CEP112: variants seen among roughly 807,000 people sequenced by gnomAD.
CEP112 encodes centrosomal protein 112.
Under a neutral mutation model 153.0 loss-of-function variants are expected in CEP112, and 127 were observed. The observed-to-expected ratio is 0.83, with a 90% CI of 0.72 to 0.96. The LOEUF (loss-of-function observed/expected upper bound fraction) is 0.96, where lower values mean the gene tolerates loss of function less well. Among genes scored for constraint, CEP112 ranks in the 40% least tolerant of loss-of-function variants. The probability of loss-of-function intolerance (pLI) is 0.00; values close to 1 mark genes in which losing one functional copy is unlikely to be tolerated. For synonymous variants in CEP112, 358 were observed against 374.4 expected (o/e 0.96, Z 0.51); for missense variants, 1,089 against 1,101.2 (o/e 0.99, Z 0.16).
intron 23 of CEP112, among the ~76,000 whole-genome samples, chr17:65,709,383 G>A (rs1004907577): frequency 5.3e-5 from 8 of 152,156 alleles, no homozygotes; most frequent in Admixed American, 4.6e-4. Context: ...CCACATGGCT[G>A]GGGCAGCCTC....
chr17:65,923,706 T>A (rs555207911), intron 19 of CEP112, among the ~76,000 whole-genome samples: 2 of 152,264 alleles, frequency 1.3e-5, no homozygotes, highest in African/African-American at 4.8e-5. Context: ...ACAATGAAAG[T>A]CTCAGTTCAT....
At chr17:65,994,274 C>T (rs999116907) in intron 17 of CEP112, among the ~76,000 whole-genome samples, 29 of 152,122 alleles carry the variant, frequency 1.9e-4, no homozygotes, top group Admixed American at 1.6e-3. Context: ...ATTGAGTTGA[C>T]CACATATGTG....
chr17:66,137,216 G>A (rs2165842), intron 4 of CEP112, among the ~76,000 whole-genome samples: 20,081 of 152,028 alleles, frequency 0.13, 1,783 homozygotes, highest in Non-Finnish European at 0.2. Flanking sequence ...AACTAAAGGG[G>A]CTCAACAGCA....
intron 20 of CEP112, among the ~76,000 whole-genome samples, chr17:65,859,757 CCGG>C (rs1333593300): frequency 6.7e-6 from 1 of 149,492 alleles, no homozygotes; most frequent in Non-Finnish European, 1.5e-5. Context: ...GCCTGTAATC[CCGG>C]CACTTTGGGA....
intron 17 of CEP112, among the ~76,000 whole-genome samples, chr17:65,967,643 G>A (rs547104600): frequency 2.0e-5 from 3 of 152,204 alleles, no homozygotes; most frequent in Non-Finnish European, 2.9e-5. Flanking sequence ...TGAAGTAAGA[G>A]GCTATATAAG....
rs201493830 is a variant in CEP112, at chr17:65,966,046, T to C, written c.1737-4448A>G. On this transcript the variant is annotated intron_variant, in intron 17 of 26. Transcript: ENST00000535342. Reference sequence around the variant, plus strand: ...AAAAAAGGACTGAAGATTTTTTTTTTCCCAGTGGAACTAGTTGTGGGGCCA... The same window carrying C: ...AAAAAAGGACTGAAGATTTTTTTTTCCCCAGTGGAACTAGTTGTGGGGCCA... Among the ~76,000 whole-genome samples, 18 of 147,702 alleles carry C rather than the reference T, an allele frequency of 1.2e-4. No homozygotes were observed. The East Asian group carries it at 1.9e-3, about 15-fold the overall frequency.
intron 10 of CEP112, among the ~76,000 whole-genome samples, chr17:66,066,384 A>C (rs923463429): frequency 1.3e-5 from 2 of 152,248 alleles, no homozygotes; most frequent in African/African-American, 2.4e-5. Flanking sequence ...TAGATAAAGA[A>C]GAATAATTTC....
intron 24 of CEP112, among the ~76,000 whole-genome samples, chr17:65,675,552 C>A (rs2047189763): frequency 6.6e-6 from 1 of 152,118 alleles, no homozygotes; most frequent in African/African-American, 2.4e-5. Context: ...GATACAAATT[C>A]TTCCAGAAAA....
intron 12 of CEP112, among the ~76,000 whole-genome samples, chr17:66,047,455 TAGA>T (rs1452125749): frequency 6.6e-6 from 1 of 152,248 alleles, no homozygotes; most frequent in Non-Finnish European, 1.5e-5. Flanking sequence ...TTTGAAAATG[TAGA>T]AGAACGGACA....
chr17:66,133,197 AT>A (rs1165725854), intron 4 of CEP112, among the ~76,000 whole-genome samples: 3 of 152,176 alleles, frequency 2.0e-5, no homozygotes, highest in Non-Finnish European at 4.4e-5. Context: ...TGCAAATGCT[AT>A]TTTTAAGTCA....
At chr17:66,047,692 G>C (rs1489819630) in intron 12 of CEP112, among the ~76,000 whole-genome samples, 1 of 152,000 alleles carries the variant, frequency 6.6e-6, no homozygotes, top group South Asian at 2.1e-4. Flanking sequence ...ACATGTAAAG[G>C]GTTGAAATTT....
At chr17:66,149,891 T>TTTG (rs1555812102) in intron 4 of CEP112, among the ~76,000 whole-genome samples, 1 of 98,006 alleles carries the variant, frequency 1.0e-5, no homozygotes, top group Non-Finnish European at 2.1e-5. Flanking sequence ...TTTGTTTGTT[T>TTTG]TTTTTTTTTT....
At chr17:65,909,867 G>A (rs964859243) in intron 19 of CEP112, among the ~76,000 whole-genome samples, 3 of 152,182 alleles carry the variant, frequency 2.0e-5, no homozygotes, top group East Asian at 1.9e-4. Context: ...AAATTATGCT[G>A]AGGATTATTT....
At chr17:65,713,815 C>G (rs2144747934) in intron 23 of CEP112, among the ~76,000 whole-genome samples, 1 of 152,144 alleles carries the variant, frequency 6.6e-6, no homozygotes, top group Non-Finnish European at 1.5e-5. Flanking sequence ...GTCTCGATCT[C>G]CTGACCTCGT....
At chr17:66,126,395 T>C (rs912029235) in intron 6 of CEP112, among the ~76,000 whole-genome samples, 1 of 152,000 alleles carries the variant, frequency 6.6e-6, no homozygotes, top group African/African-American at 2.4e-5. Flanking sequence ...ACATAGAGTG[T>C]TTCACAATGA....
Position 66,027,529 on chromosome 17 carries a change from CT to C in CEP112, c.1627del (p.Ser543ValfsTer3). The C allele has an allele frequency of 7.6e-7, 1 of 1,314,620 alleles. No homozygotes were observed. Among genetic ancestry groups the C allele is most frequent in the Non-Finnish European group, 1.0e-6 (1 of 985,088 alleles). 81.4% of individuals were successfully genotyped at this position (1,314,620 alleles called of 1,614,324 possible). On this transcript the variant is annotated frameshift_variant, in exon 16 of 27. Transcript: ENST00000535342. LOFTEE classifies it high-confidence loss of function. Reference protein sequence around the residue: ...DQENKFQMEKSHLKHIYEKKA... With the variant: ...DQENKFQMEKXHLKHIYEKKA... ...TTTTTCATAGATGTGTTTTAAATGACTTTTCTCCATCTGAAACTTATTTTCT... is the reference window on the plus strand; with the variant it reads ...TTTTTCATAGATGTGTTTTAAATGACTTTCTCCATCTGAAACTTATTTTCT...
intron 21 of CEP112, among the ~76,000 whole-genome samples, chr17:65,764,728 C>T (rs1326368857): frequency 6.6e-6 from 1 of 151,742 alleles, no homozygotes; most frequent in African/African-American, 2.4e-5. Context: ...TTAAACTACT[C>T]TGTGTCTTTG....
intron 2 of CEP112, among the ~76,000 whole-genome samples, chr17:66,178,129 A>G (rs2072565908): frequency 6.6e-6 from 1 of 152,152 alleles, no homozygotes; most frequent in Admixed American, 6.5e-5. Flanking sequence ...AGTTTTTCTG[A>G]GGAACCTCAA....
chr17:65,648,842 G>A (rs1567807851), intron 24 of CEP112, among the ~76,000 whole-genome samples: 1 of 152,012 alleles, frequency 6.6e-6, no homozygotes, highest in Non-Finnish European at 1.5e-5. Context: ...CCTGAGGTCA[G>A]GAGTTCAAGA....
Sources: allele counts gnomAD v4.1 joint callset (sites outside exome capture counted in the v4.1 genomes callset), GRCh38; gene constraint gnomAD v4.1.1; transcripts MANE v1.5; gene names NCBI Gene and HGNC (gene_info 2026-07-23, HGNC 2026-07-21).